The following CTTNBP2 variants were observed in gnomAD, a reference collection of about 807,000 sequenced individuals.
The protein encoded by CTTNBP2 is cortactin-binding protein 2.
CTTNBP2 carries 108 observed loss-of-function variants against 156.9 expected under a neutral mutation model. That is an observed-to-expected ratio of 0.69 (90% CI 0.59 to 0.81). The LOEUF (loss-of-function observed/expected upper bound fraction) is 0.81, where lower values mean the gene tolerates loss of function less well. CTTNBP2 is among the 30% of genes least tolerant of loss of function. CTTNBP2 has a pLI of 0.00. For synonymous variants in CTTNBP2, 767 were observed against 751.8 expected (o/e 1.02, Z -0.33); for missense variants, 1,924 against 2,035.4 (o/e 0.95, Z 1.05).
intron 9 of CTTNBP2, among the ~76,000 whole-genome samples, chr7:117,764,967 ACT>A (rs1438478506): frequency 1.1e-4 from 16 of 151,882 alleles, no homozygotes; most frequent in African/African-American, 3.9e-4. Context: ...ATAGAGTCTC[ACT>A]CTGTCACCCA....
chr7:117,826,817 TCTA>T (rs772062209), intron 2 of CTTNBP2, among the ~76,000 whole-genome samples: 2 of 146,118 alleles, frequency 1.4e-5, no homozygotes, highest in Admixed American at 7.1e-5. Context: ...AGTTAAAATT[TCTA>T]CTGAGCATTA....
chr7:117,760,412 C>A (rs761074375), intron 10 of CTTNBP2, 23 bp downstream of exon 10: 1 of 1,598,634 alleles, frequency 6.3e-7, no homozygotes, highest in Non-Finnish European at 8.6e-7. Flanking sequence ...TTCACTTTCT[C>A]TCCGTCATAG....
chr7:117,769,757 T>G lies in CTTNBP2; in HGVS notation c.2779-2581A>C, dbSNP rs188916858. On this transcript the variant is annotated intron_variant, in intron 8 of 22. Coordinates refer to ENST00000160373, the MANE Select transcript of CTTNBP2 (RefSeq NM_033427.3). ...TTAGAAACTTAAATAGAAAGCAATCTGAGCACTAAACTTAGTGAATTCTCA... is the reference window on the plus strand; with the variant it reads ...TTAGAAACTTAAATAGAAAGCAATCGGAGCACTAAACTTAGTGAATTCTCA... Among the ~76,000 whole-genome samples the G allele has an allele frequency of 3.3e-5, 5 of 152,344 alleles. No individual in the cohort carries two copies. In the East Asian group the frequency reaches 9.6e-4, roughly 29 times the overall value.
At chr7:117,840,555 T>C (rs1802210266) in intron 2 of CTTNBP2, among the ~76,000 whole-genome samples, 2 of 152,158 alleles carry the variant, frequency 1.3e-5, no homozygotes, top group Non-Finnish European at 2.9e-5. Flanking sequence ...ATTCTTTTCC[T>C]GCCTCCTCCA....
In CTTNBP2 at chr7:117,760,600, G is replaced by A; in HGVS notation, c.3007C>T (p.Gln1003Ter). Residue 1003 changes from glutamine (Q) to a stop codon, truncating the protein, a stop_gained, in exon 10 of 23, where the codon CAG (glutamine) becomes TAG (stop). Coordinates refer to ENST00000160373, the MANE Select transcript of CTTNBP2 (RefSeq NM_033427.3). LOFTEE classifies it high-confidence loss of function. The part of the protein sequence containing the change: ...NTICALNIRK[Q>*]TSWDDFSKAV... Reference sequence around the variant, plus strand: ...TTTGAAAAATCATCCCATGATGTCTGTTTGCGGATATTTAAAGCACATATT... The same window carrying A: ...TTTGAAAAATCATCCCATGATGTCTATTTGCGGATATTTAAAGCACATATT... 6.2e-7 allele frequency: 1 copy of A among 1,614,098 alleles called. No individual in the cohort carries two copies. The highest frequency in any genetic ancestry group is 8.5e-7 in the Non-Finnish European group (1 of 1,180,000).
At chr7:117,732,649 CAA>C (rs397710322) in intron 16 of CTTNBP2, among the ~76,000 whole-genome samples, 13 of 43,064 alleles carry the variant, frequency 3.0e-4, no homozygotes, top group African/African-American at 4.3e-4. Context: ...GACTCCGTCT[CAA>C]AAAAAAAAAA....
Position 117,724,546 on chromosome 7 carries a change from C to A in CTTNBP2, c.4447+1G>T. 6.2e-7 allele frequency: 1 copy of A among 1,608,758 alleles called. No individual in the cohort carries two copies. Among genetic ancestry groups the A allele is most frequent in the Non-Finnish European group, 8.5e-7 (1 of 1,177,620 alleles). ...GCAACATGCCTACCCCCGCCCTTTA[C>A]CTTCAGTGCTTAGGTCTGGCTTATT... On this transcript the variant is annotated splice_donor_variant, in intron 19 of 22. Coordinates refer to ENST00000160373, the MANE Select transcript of CTTNBP2 (RefSeq NM_033427.3). LOFTEE classifies it high-confidence loss of function.
At chr7:117,778,323 C>A (rs535878064) in intron 7 of CTTNBP2, among the ~76,000 whole-genome samples, 20 of 152,160 alleles carry the variant, frequency 1.3e-4, no homozygotes, top group African/African-American at 4.3e-4. Flanking sequence ...GGTTTATGGG[C>A]CCCTATTGAG....
At chr7:117,759,064 A>G (rs929889103) in intron 10 of CTTNBP2, among the ~76,000 whole-genome samples, 2 of 152,194 alleles carry the variant, frequency 1.3e-5, no homozygotes, top group Non-Finnish European at 2.9e-5. Context: ...ATGTGTTCCT[A>G]AGAACTGAAT....
chr7:117,754,861 A>G (rs184617248), intron 12 of CTTNBP2, among the ~76,000 whole-genome samples: 34 of 152,346 alleles, frequency 2.2e-4, no homozygotes, highest in Non-Finnish European at 1.5e-5. Flanking sequence ...TTTACATATA[A>G]TGTGACTAGC....
intron 19 of CTTNBP2, 132 bp downstream of exon 19, chr7:117,724,415 A>C (rs1794970486): frequency 1.4e-6 from 1 of 738,682 alleles, no homozygotes; most frequent in Non-Finnish European, 2.1e-6. Flanking sequence ...ATTCCATGAA[A>C]ATGTGCATTA....
intron 14 of CTTNBP2, among the ~76,000 whole-genome samples, chr7:117,743,736 C>CTGGTG (rs1177315467): frequency 1.6e-5 from 2 of 124,296 alleles, no homozygotes; most frequent in African/African-American, 6.5e-5. Flanking sequence ...CACTCCAGCC[C>CTGGTG]TGGTGACAGA....
rs189616064 is a variant in CTTNBP2, at chr7:117,839,163, C to T, written c.189+22046G>A. Among the ~76,000 whole-genome samples, 35 of 152,182 alleles carry T rather than the reference C, an allele frequency of 2.3e-4. No homozygotes were observed. The East Asian group carries it at 5.0e-3, about 22-fold the overall frequency. On this transcript the variant is annotated intron_variant, in intron 2 of 22. Transcript: ENST00000160373. ...CTTAGTACAGAATTTCATCACAGTT[C>T]GTGATTATTTTCATAGTGTGTTCTC...
In CTTNBP2 at chr7:117,791,189, G is replaced by T; in HGVS notation, c.2007C>A (p.Asn669Lys). 6.2e-7 allele frequency: 1 copy of T among 1,614,208 alleles called. No individual in the cohort carries two copies. Among genetic ancestry groups the T allele is most frequent in the Non-Finnish European group, 8.5e-7 (1 of 1,180,040 alleles). Reference protein sequence around the residue: ...PTTIAFCSSINPVSASSCRPG... With the variant: ...PTTIAFCSSIKPVSASSCRPG... ...GTCTACAGGATGAGGCACTAACGGG[G>T]TTTATGGAAGAGCAAAAGGCAATGG... Residue 669 changes from asparagine to lysine, a missense_variant, in exon 4 of 23, where the codon AAC (asparagine) becomes AAA (lysine). By Grantham distance (94) the Asn-to-Lys change is moderately conservative. Coordinates refer to ENST00000160373, the MANE Select transcript of CTTNBP2 (RefSeq NM_033427.3).
intron 20 of CTTNBP2, among the ~76,000 whole-genome samples, chr7:117,720,250 C>T (rs1794707610): frequency 6.6e-6 from 1 of 152,148 alleles, no homozygotes; most frequent in African/African-American, 2.4e-5. Context: ...CTAAATGTTA[C>T]ATGCCAAGTG....
At chr7:117,757,055 T>A (rs1329819132) in intron 11 of CTTNBP2, among the ~76,000 whole-genome samples, 2 of 152,234 alleles carry the variant, frequency 1.3e-5, no homozygotes, top group African/African-American at 2.4e-5. Flanking sequence ...TTAGGTCCAC[T>A]GGCAATACTC....
At chr7:117,773,780 G>A (rs1262490245) in intron 8 of CTTNBP2, among the ~76,000 whole-genome samples, 1 of 151,590 alleles carries the variant, frequency 6.6e-6, no homozygotes. Context: ...TGAGAAAAGG[G>A]CAGTGTTCTG....
chr7:117,864,923 T>A (rs978374321), intron 1 of CTTNBP2, among the ~76,000 whole-genome samples: 2 of 145,364 alleles, frequency 1.4e-5, no homozygotes, highest in African/African-American at 5.0e-5. Flanking sequence ...TCAATATATA[T>A]TCATATATAT....
Position 117,792,973 on chromosome 7 carries a change from A to C in CTTNBP2, c.415-192T>G, listed in dbSNP as rs1326591781. On this transcript the variant is annotated intron_variant, in intron 3 of 22. Coordinates refer to ENST00000160373, the MANE Select transcript of CTTNBP2 (RefSeq NM_033427.3). This position sits in a 1 kb window ranked among gnomAD's most constrained non-coding sequence, Gnocchi z 4.2. Reference sequence around the variant, plus strand: ...CATTAAAATGAGAAAATAGACGTAAATGGCTTTATAAAGACATCTAAATTA... The same window carrying C: ...CATTAAAATGAGAAAATAGACGTAACTGGCTTTATAAAGACATCTAAATTA... Among the ~76,000 whole-genome samples the C allele has an allele frequency of 6.6e-6, 1 of 152,218 alleles. No individual in the cohort carries two copies. Among genetic ancestry groups the C allele is most frequent in the East Asian group, 1.9e-4 (1 of 5,194 alleles).
Sources: gnomAD v4.1 joint callset for allele counts (sites outside exome capture counted in the v4.1 genomes callset) on GRCh38, gnomAD v4.1.1 for gene constraint, Gnocchi (gnomAD v3.1) non-coding constraint, MANE v1.5 for transcripts, NCBI Gene and HGNC (gene_info 2026-07-23, HGNC 2026-07-21) for gene names.